The following PON1 variants were observed in gnomAD, a reference collection of about 807,000 sequenced individuals.
PON1 encodes the protein serum paraoxonase/arylesterase 1.
Under a neutral mutation model 39.2 loss-of-function variants are expected in PON1, and 37 were observed. The ratio of observed to expected loss-of-function variants is 0.94; its 90% CI spans 0.73 to 1.24. The LOEUF is 1.24. Ranked by LOEUF, PON1 falls within the 50% of genes most tolerant of loss-of-function variation. PON1 has a pLI of 0.00. For missense variants in PON1, 397 were observed against 413.5 expected (o/e 0.96, Z 0.35); for synonymous variants, 148 against 152.2 (o/e 0.97, Z 0.21).
chr7:95,302,976 T>C (rs1807466881), intron 7 of PON1, among the ~76,000 whole-genome samples: 1 of 152,226 alleles, frequency 6.6e-6, no homozygotes, highest in Admixed American at 6.5e-5. Flanking sequence ...ACAAGGATCA[T>C]AAATAATACC....
chr7:95,303,194 C>T (rs987015731), intron 7 of PON1, among the ~76,000 whole-genome samples: 6 of 152,172 alleles, frequency 3.9e-5, no homozygotes, highest in African/African-American at 1.4e-4. Context: ...CTGCAGAAAA[C>T]CAACGTTTCC....
At chr7:95,313,279 GTT>G (rs1807694082) in intron 4 of PON1, among the ~76,000 whole-genome samples, 1 of 152,194 alleles carries the variant, frequency 6.6e-6, no homozygotes, top group Non-Finnish European at 1.5e-5. Flanking sequence ...GTGCGAGAAA[GTT>G]TATTTTGGCA....
At chr7:95,320,475 A>G (rs1420516294) in intron 1 of PON1, among the ~76,000 whole-genome samples, 2 of 152,196 alleles carry the variant, frequency 1.3e-5, no homozygotes, top group Admixed American at 6.5e-5. Context: ...CATTACTACT[A>G]TAGTTCAGGT....
At chr7:95,321,780 A>AC (rs1350185038) in intron 1 of PON1, among the ~76,000 whole-genome samples, 1 of 152,014 alleles carries the variant, frequency 6.6e-6, no homozygotes, top group Non-Finnish European at 1.5e-5. Flanking sequence ...CACTGGAAAG[A>AC]CCCCTACTCA....
chr7:95,307,019 A>G (rs3917595), intron 6 of PON1, among the ~76,000 whole-genome samples: 4 of 147,944 alleles, frequency 2.7e-5, no homozygotes, highest in Non-Finnish European at 6.0e-5. Flanking sequence ...TGTTGCTCTC[A>G]CTTGCTTGCT....
chr7:95,308,030 T>A lies in PON1; in HGVS notation c.679A>T (p.Asn227Tyr). 3 of 1,614,106 alleles carry A rather than the reference T, an allele frequency of 1.9e-6. No individual in the cohort carries two copies. Among genetic ancestry groups the A allele is most frequent in the Non-Finnish European group, 2.5e-6 (3 of 1,179,982 alleles). ...ACATACTTGCCATCGGGTGAAATGT[T>A]GATTCCATTAGCAAAATCAAATCCT... is the stretch of plus-strand genomic sequence containing the variant. ...AEGFDFANGI[N>Y]ISPDGKYVYI... The change falls in exon 6 of 9, where the codon AAC (asparagine) becomes TAC (tyrosine). Residue 227 changes from asparagine to tyrosine, a missense_variant. By Grantham distance (143) the Asn-to-Tyr change is moderately radical. Coordinates refer to ENST00000222381, the MANE Select transcript of PON1 (RefSeq NM_000446.7).
At chr7:95,317,219 A>C (rs1469008509) in intron 2 of PON1, among the ~76,000 whole-genome samples, 2 of 152,188 alleles carry the variant, frequency 1.3e-5, no homozygotes, top group African/African-American at 4.8e-5. Flanking sequence ...AGATATAAGC[A>C]AATTCCAAAT....
At chr7:95,316,531 A>G (rs3917500) in intron 3 of PON1, among the ~76,000 whole-genome samples, 3,404 of 152,344 alleles carry the variant, frequency 0.022, 140 homozygotes, top group African/African-American at 0.078. Flanking sequence ...TTCAATGTAG[A>G]CCGAAGAACA....
intron 4 of PON1, 150 bp from the exon 5 acceptor site, chr7:95,311,727 G>A: frequency 1.2e-6 from 1 of 851,858 alleles, no homozygotes; most frequent in South Asian, 1.6e-5. Flanking sequence ...AGAAGCATTG[G>A]TGATTGCTCC....
Position 95,311,442 on chromosome 7 carries a change from T to G in PON1, c.497+9A>C, listed in dbSNP as rs1290167454. On this transcript the variant is annotated intron_variant, in intron 5 of 8. Transcript: ENST00000222381. ...TAAAGGAAAATAGAAATGTGATATA[T>G]CTCAGTACTTAGGCAGAAGTTTATG... 6.2e-7 allele frequency: 1 copy of G among 1,613,920 alleles called. No homozygotes were observed.
At chr7:95,304,530 C>A (rs999112452) in intron 7 of PON1, among the ~76,000 whole-genome samples, 3 of 151,924 alleles carry the variant, frequency 2.0e-5, no homozygotes, top group African/African-American at 7.3e-5. Flanking sequence ...GACGGGGTTT[C>A]ACCATATTGG....
At chr7:95,323,351 AT>A (rs1807941876) in intron 1 of PON1, among the ~76,000 whole-genome samples, 1 of 152,114 alleles carries the variant, frequency 6.6e-6, no homozygotes, top group South Asian at 2.1e-4. Context: ...ACAAACTGTA[AT>A]TTTTACATGA....
chr7:95,313,620 G>GTA (rs529485432), intron 4 of PON1, among the ~76,000 whole-genome samples: 3,498 of 33,866 alleles, frequency 0.1, 131 homozygotes, highest in African/African-American at 0.18. Context: ...ATATGTATAT[G>GTA]TGTGTGTGTG....
chr7:95,301,822 T>C (rs982179914), intron 8 of PON1, among the ~76,000 whole-genome samples: 7 of 151,424 alleles, frequency 4.6e-5, no homozygotes, highest in Non-Finnish European at 1.0e-4. Flanking sequence ...GCACGGTGGC[T>C]CACGCCTGTA....
At chr7:95,319,099 C>A (rs1010407346) in intron 1 of PON1, among the ~76,000 whole-genome samples, 3 of 148,654 alleles carry the variant, frequency 2.0e-5, no homozygotes, top group Non-Finnish European at 3.0e-5. Flanking sequence ...AAACAGACGA[C>A]GTTAGCACAA....
intron 1 of PON1, among the ~76,000 whole-genome samples, chr7:95,322,497 A>G (rs1281685259): frequency 6.6e-6 from 1 of 152,172 alleles, no homozygotes; most frequent in East Asian, 1.9e-4. Context: ...GGAATCCACA[A>G]CTACTCTCTT....
chr7:95,298,956 G>T lies in PON1; in HGVS notation c.1056C>A (p.Tyr352Ter). ...GCAAATCGGTCTGTTAGAGCTCACA[G>T]TAAAGAGCTTTGTGAAACACTGTGC... ...LIGTVFHKAL[Y>*]CEL Residue 352 changes from tyrosine (Y) to a stop codon, truncating the protein, a stop_gained, in exon 9 of 9, where the codon TAC (tyrosine) becomes TAA (stop). Coordinates refer to ENST00000222381, the MANE Select transcript of PON1 (RefSeq NM_000446.7). LOFTEE classifies it high-confidence loss of function. The T allele has an allele frequency of 6.2e-7, 1 of 1,614,174 alleles. No homozygotes were observed. Among genetic ancestry groups the T allele is most frequent in the Non-Finnish European group, 8.5e-7 (1 of 1,180,024 alleles).
intron 4 of PON1, among the ~76,000 whole-genome samples, chr7:95,314,948 A>G (rs3917505): frequency 6.2e-4 from 94 of 152,312 alleles, no homozygotes; most frequent in African/African-American, 2.0e-3. Context: ...CACTGGACCT[A>G]TAGCTTACAG....
At chr7:95,315,190 A>G in intron 4 of PON1, 132 bp downstream of exon 4, 2 of 844,872 alleles carry the variant, frequency 2.4e-6, no homozygotes, top group Admixed American at 4.6e-5. Flanking sequence ...GGGTAAGTTT[A>G]AAACCCAGAG....
Sources: allele counts gnomAD v4.1 joint callset (sites outside exome capture counted in the v4.1 genomes callset), GRCh38; gene constraint gnomAD v4.1.1; transcripts MANE v1.5; gene names NCBI Gene and HGNC (gene_info 2026-07-23, HGNC 2026-07-21).